Variants in JADE1 observed in about 807,000 individuals in gnomAD.
JADE1 encodes the protein jade family PHD finger 1.
JADE1 carries 14 observed loss-of-function variants against 81.8 expected under a neutral mutation model. That is an observed-to-expected ratio of 0.17 (90% CI 0.11 to 0.27). The LOEUF (loss-of-function observed/expected upper bound fraction) is 0.27, where lower values mean the gene tolerates loss of function less well. Among genes scored for constraint, JADE1 ranks in the 10% least tolerant of loss-of-function variants. JADE1 has a pLI of 1.00. For missense variants in JADE1, 690 were observed against 1,047.9 expected (o/e 0.66, Z 4.71); for synonymous variants, 353 against 391.9 (o/e 0.90, Z 1.17).
At chr4:128,851,676 T>G (rs1005311428) in intron 5 of JADE1, among the ~76,000 whole-genome samples, 9 of 152,098 alleles carry the variant, frequency 5.9e-5, no homozygotes, top group African/African-American at 1.9e-4. Flanking sequence ...GTTGATTGAT[T>G]GATAGATTGA....
At chr4:128,848,923 A>ACTTCATTGTCTGTGTGC in intron 4 of JADE1, 57 bp from the exon 5 acceptor site, 1 of 1,568,806 alleles carries the variant, frequency 6.4e-7, no homozygotes, top group South Asian at 1.1e-5. Flanking sequence ...CTTGTGGCAC[A>ACTTCATTGTCTGTGTGC]CTTCATTGTC....
At chr4:128,833,344 T>C (rs1728704441) in intron 2 of JADE1, among the ~76,000 whole-genome samples, 1 of 152,194 alleles carries the variant, frequency 6.6e-6, no homozygotes, top group South Asian at 2.1e-4. Flanking sequence ...AAAGTGTCTT[T>C]GTGAGTTATA....
At chr4:128,868,799 G>A (rs912483409) in intron 10 of JADE1, among the ~76,000 whole-genome samples, 2 of 152,132 alleles carry the variant, frequency 1.3e-5, no homozygotes, top group Admixed American at 1.3e-4. Flanking sequence ...GTGTGGATCA[G>A]GCAGAATTAG....
rs1208414885 is a variant in JADE1, at chr4:128,872,693, T to A, written c.*431T>A. The A allele has an allele frequency of 1.8e-5, 5 of 285,008 alleles. No homozygotes were observed. The highest frequency in any genetic ancestry group is 1.3e-4 in the South Asian group (4 of 29,932). The allele number at this position is 285,008 out of a possible 1,614,324, so 17.7% of individuals were successfully genotyped here. On this transcript the variant is annotated 3_prime_UTR_variant, in exon 11 of 11. Transcript: ENST00000226319. The stretch of plus-strand genomic sequence containing the variant: ...CCATTCACAGCCCATAAAGTTTATT[T>A]TCTAGGACTGTGGTAGATCTTGAAA...
At chr4:128,835,025 A>AT (rs1454803063) in intron 2 of JADE1, among the ~76,000 whole-genome samples, 1 of 152,092 alleles carries the variant, frequency 6.6e-6, no homozygotes, top group Non-Finnish European at 1.5e-5. Context: ...CTGGTTAGGA[A>AT]GGAGGAAGAG....
intron 6 of JADE1, among the ~76,000 whole-genome samples, chr4:128,854,683 C>T (rs1011167025): frequency 8.5e-5 from 13 of 152,314 alleles, no homozygotes; most frequent in East Asian, 5.8e-4. Flanking sequence ...CTGTGACTCT[C>T]GACTTCCTGA....
chr4:128,837,678 C>T (rs183209849), intron 2 of JADE1, among the ~76,000 whole-genome samples: 2 of 152,148 alleles, frequency 1.3e-5, no homozygotes, highest in East Asian at 1.9e-4. Flanking sequence ...CTCATAGATG[C>T]GTTTGTCAGG....
At position 128,867,766 on chromosome 4, in the gene JADE1, G is replaced by A. The variant is rs990399537; in HGVS notation, c.1504-90G>A. The stretch of plus-strand genomic sequence containing the variant: ...AGTATCTGTCAAGGCCCTAGTAGGA[G>A]TAATTTCTCTTAGGTAAAGAAATTT... On this transcript the variant is annotated intron_variant, in intron 9 of 10. Coordinates refer to ENST00000226319, the MANE Select transcript of JADE1 (RefSeq NM_199320.4). 2.8e-5 allele frequency: 20 copies of A among 716,420 alleles called. No homozygotes were observed. The African/African-American group carries it at 3.2e-4, about 12-fold the overall frequency. 44.4% of individuals were successfully genotyped at this position (716,420 alleles called of 1,614,324 possible).
At chr4:128,863,894 A>G in intron 9 of JADE1, 1 of 985,460 alleles carries the variant, frequency 1.0e-6, no homozygotes, top group Non-Finnish European at 1.2e-6. Flanking sequence ...TTTGTCTCAC[A>G]ATCACCACAA....
At chr4:128,855,828 C>T in intron 7 of JADE1, 31 bp downstream of exon 7, 1 of 1,511,566 alleles carries the variant, frequency 6.6e-7, no homozygotes, top group Non-Finnish European at 9.0e-7. Context: ...GTTGTTTTTA[C>T]TTTTTTTTAA....
intron 1 of JADE1, among the ~76,000 whole-genome samples, chr4:128,819,245 G>A (rs185332962): frequency 3.4e-5 from 5 of 146,828 alleles, no homozygotes; most frequent in Admixed American, 2.1e-4. Flanking sequence ...TTTTTGTTTC[G>A]CTCTTTTTGC....
intron 10 of JADE1, among the ~76,000 whole-genome samples, chr4:128,868,809 G>A (rs753977752): frequency 2.6e-5 from 4 of 152,144 alleles, no homozygotes; most frequent in Admixed American, 6.6e-5. Flanking sequence ...GGCAGAATTA[G>A]GGACCCATGG....
intron 1 of JADE1, among the ~76,000 whole-genome samples, chr4:128,816,060 G>C (rs1255037354): frequency 6.7e-6 from 1 of 150,054 alleles, no homozygotes; most frequent in Non-Finnish European, 1.5e-5. Context: ...TGGAGTTTCT[G>C]GTTTCTTAGA....
At chr4:128,815,921 T>G (rs1726988019) in intron 1 of JADE1, among the ~76,000 whole-genome samples, 1 of 152,198 alleles carries the variant, frequency 6.6e-6, no homozygotes, top group African/African-American at 2.4e-5. Context: ...AGGTTTAGCT[T>G]GATTGTTAAA....
At chr4:128,824,102 T>C (rs1374725717) in intron 1 of JADE1, among the ~76,000 whole-genome samples, 1 of 152,092 alleles carries the variant, frequency 6.6e-6, no homozygotes, top group Non-Finnish European at 1.5e-5. Flanking sequence ...GTTTAAAAAA[T>C]AATTTGAACT....
At chr4:128,824,394 G>T (rs1009071501) in intron 1 of JADE1, among the ~76,000 whole-genome samples, 2 of 151,956 alleles carry the variant, frequency 1.3e-5, no homozygotes, top group East Asian at 3.8e-4. Flanking sequence ...CTCCAGCCTA[G>T]GTGACAGAGC....
At chr4:128,812,104 G>GGGCGGGAGGAGCTGCCGC (rs1319668421) in intron 1 of JADE1, 1 of 152,730 alleles carries the variant, frequency 6.5e-6, no homozygotes, top group Non-Finnish European at 1.5e-5. Context: ...GGCGGCGGCG[G>GGGCGGGAGGAGCTGCCGC]GGCGGGAGGA....
Position 128,874,954 on chromosome 4 carries a change from C to T in JADE1, c.*2692C>T, listed in dbSNP as rs1351531648. The T allele has an allele frequency of 6.7e-6, 1 of 149,620 alleles. No homozygotes were observed. The highest frequency in any genetic ancestry group is 2.5e-5 in the African/African-American group (1 of 40,436). 9.3% of individuals were successfully genotyped at this position (149,620 alleles called of 1,614,324 possible). A position where few individuals can be genotyped will look rare whatever the true frequency, so the allele number is the denominator to read the frequency against. ...TTGTCATTACATTTGTAACCTTGTA[C>T]AGAGGATTTTTCACTATGTGCCTAG... On this transcript the variant is annotated 3_prime_UTR_variant, in exon 11 of 11. Transcript: ENST00000226319.
intron 5 of JADE1, 50 bp downstream of exon 5, chr4:128,849,217 C>T (rs376851053): frequency 2.7e-6 from 4 of 1,486,132 alleles, no homozygotes; most frequent in Admixed American, 2.1e-5. Context: ...TGAATAGAGA[C>T]ATTTTAGGCA....
Sources: gnomAD v4.1 joint callset for allele counts (sites outside exome capture counted in the v4.1 genomes callset) on GRCh38, gnomAD v4.1.1 for gene constraint, MANE v1.5 for transcripts, NCBI Gene and HGNC (gene_info 2026-07-23, HGNC 2026-07-21) for gene names.